The following SNX3 variants were observed in gnomAD, a reference collection of about 807,000 sequenced individuals.
The protein encoded by SNX3 is sorting nexin 3.
SNX3 carries 5 observed loss-of-function variants against 17.7 expected under a neutral mutation model. The observed-to-expected ratio is 0.28, with a 90% CI of 0.15 to 0.59. SNX3 has a LOEUF of 0.59. Among genes scored for constraint, SNX3 ranks in the 20% least tolerant of loss-of-function variants. The pLI is 0.88. For missense variants in SNX3, 132 were observed against 206.8 expected, an observed-to-expected ratio of 0.64 and a Z score of 2.22; for synonymous variants, 91 against 76.5, an observed-to-expected ratio of 1.19 and a Z score of -0.99.
At chr6:108,228,336 G>C (rs1306289903) in intron 1 of SNX3, among the ~76,000 whole-genome samples, 3 of 152,132 alleles carry the variant, frequency 2.0e-5, no homozygotes, top group Non-Finnish European at 4.4e-5. Context: ...ATCATCTGAG[G>C]TCAGGAGTTC....
chr6:108,223,244 T>C (rs1774862531), intron 1 of SNX3, among the ~76,000 whole-genome samples, 199 bp from the exon 2 acceptor site: 1 of 152,132 alleles, frequency 6.6e-6, no homozygotes, highest in African/African-American at 2.4e-5. Flanking sequence ...GTTCAAATGA[T>C]TTTTCCGCCT....
At chr6:108,231,139 T>C (rs1339818287) in intron 1 of SNX3, among the ~76,000 whole-genome samples, 2 of 151,350 alleles carry the variant, frequency 1.3e-5, no homozygotes, top group African/African-American at 4.9e-5. Context: ...ACAGTCTCCC[T>C]TGTCACTCAG....
chr6:108,226,698 T>C (rs970400525), intron 1 of SNX3, among the ~76,000 whole-genome samples: 59 of 152,360 alleles, frequency 3.9e-4, no homozygotes, highest in Non-Finnish European at 6.9e-4. Context: ...TACTGGTAAG[T>C]AGCTGTCACT....
rs1774417948 is a variant in SNX3 at position 108,211,925 on chromosome 6, C to T, written c.*224G>A. 7.1e-6 allele frequency: 3 copies of T among 424,878 alleles called. No individual in the cohort carries two copies. The highest frequency in any genetic ancestry group is 1.3e-5 in the Non-Finnish European group (3 of 238,562). 26.3% of individuals were successfully genotyped at this position (424,878 alleles called of 1,614,324 possible). A position where few individuals can be genotyped will look rare whatever the true frequency, so the allele number is the denominator to read the frequency against. On this transcript the variant is annotated 3_prime_UTR_variant, in exon 4 of 4. Coordinates refer to ENST00000230085, the MANE Select transcript of SNX3 (RefSeq NM_003795.6). ...GGCTATAGTGTGCACCACATTAAAA[C>T]AGCAAGAAAGAGCTATTTATATAGA...
chr6:108,236,833 CCAGT>C (rs1232456670), intron 1 of SNX3, among the ~76,000 whole-genome samples: 38 of 152,236 alleles, frequency 2.5e-4, no homozygotes, highest in East Asian at 2.1e-3. Context: ...ATAAACTCTT[CCAGT>C]CAGAGTGATT....
intron 2 of SNX3, among the ~76,000 whole-genome samples, chr6:108,215,605 AC>A (rs1450112647): frequency 6.6e-6 from 1 of 151,990 alleles, no homozygotes; most frequent in African/African-American, 2.4e-5. Context: ...CCAAGGGTCA[AC>A]TCCTGCTGAT....
intron 1 of SNX3, among the ~76,000 whole-genome samples, chr6:108,249,917 T>G (rs1429613751): frequency 6.6e-6 from 1 of 152,158 alleles, no homozygotes; most frequent in Non-Finnish European, 1.5e-5. Context: ...CTCATGATAT[T>G]TTTTAGGGTT....
intron 1 of SNX3, among the ~76,000 whole-genome samples, chr6:108,232,958 C>A (rs1330625395): frequency 1.3e-5 from 2 of 152,108 alleles, no homozygotes; most frequent in East Asian, 3.9e-4. Context: ...GTCCAGAGAA[C>A]CTTTGAAATG....
chr6:108,248,036 A>AT (rs1775744238), intron 1 of SNX3, among the ~76,000 whole-genome samples: 1 of 152,222 alleles, frequency 6.6e-6, no homozygotes, highest in Non-Finnish European at 1.5e-5. Context: ...GTCAGAGAGT[A>AT]ACAAGGAATC....
At position 108,260,894 on chromosome 6, in the gene SNX3, G is replaced by A. The variant is rs1776176868; in HGVS notation, c.28C>T (p.Arg10Trp). MAETVADTR[R>W]LITKPQNLND... Reference sequence around the variant, plus strand: ...AGGTTCTGCGGCTTGGTGATCAGCCGCCGGGTGTCAGCCACGGTCTCCGCC... The same window carrying A: ...AGGTTCTGCGGCTTGGTGATCAGCCACCGGGTGTCAGCCACGGTCTCCGCC... Residue 10 changes from arginine to tryptophan, a missense_variant, in exon 1 of 4, where the codon CGG becomes TGG. Arg to Trp is a moderately radical substitution (Grantham distance 101, BLOSUM62 -3). This residue lies in a region of SNX3 where 78 missense variants were observed against 88.8 expected (regional missense o/e 0.88). Transcript: ENST00000230085. The A allele has an allele frequency of 6.2e-7, 1 of 1,608,638 alleles. No individual in the cohort carries two copies. The highest frequency in any genetic ancestry group is 2.3e-5 in the East Asian group (1 of 44,034).
chr6:108,228,361 C>A (rs1199609303), intron 1 of SNX3, among the ~76,000 whole-genome samples: 1 of 152,092 alleles, frequency 6.6e-6, no homozygotes, highest in African/African-American at 2.4e-5. Context: ...CCAGCCTGGA[C>A]AACATGGTGA....
chr6:108,246,663 T>C (rs1183579359), intron 1 of SNX3, among the ~76,000 whole-genome samples: 4 of 152,002 alleles, frequency 2.6e-5, no homozygotes, highest in African/African-American at 9.7e-5. Context: ...TGTATTTTTT[T>C]TATTCTTTTG....
intron 1 of SNX3, among the ~76,000 whole-genome samples, chr6:108,230,326 C>G (rs1041481692): frequency 6.6e-6 from 1 of 151,966 alleles, no homozygotes; most frequent in East Asian, 1.9e-4. Flanking sequence ...AAAGTGGAAG[C>G]CACAATTTTC....
At chr6:108,252,941 A>C (rs1006366545) in intron 1 of SNX3, among the ~76,000 whole-genome samples, 1 of 152,318 alleles carries the variant, frequency 6.6e-6, no homozygotes, top group South Asian at 2.1e-4. Context: ...CCCGGCCCTA[A>C]GAATAAACTT....
intron 1 of SNX3, among the ~76,000 whole-genome samples, chr6:108,254,126 CAAAG>C (rs1775959427): frequency 1.1e-5 from 1 of 95,120 alleles, no homozygotes; most frequent in Non-Finnish European, 2.0e-5. Flanking sequence ...GATTCCGTCT[CAAAG>C]AAAAAAAAAA....
At chr6:108,224,849 T>TA (rs1302539197) in intron 1 of SNX3, among the ~76,000 whole-genome samples, 1 of 152,200 alleles carries the variant, frequency 6.6e-6, no homozygotes. Context: ...ACTTTGAAGT[T>TA]ACACTGGAAT....
chr6:108,212,302 G>A, intron 3 of SNX3, 48 bp from the exon 4 acceptor site: 1 of 1,307,732 alleles, frequency 7.6e-7, no homozygotes, highest in East Asian at 2.4e-5. Context: ...TACAAGGTGG[G>A]GGAGTTCAAA....
chr6:108,256,680 G>A lies in SNX3; in HGVS notation c.162+4080C>T, dbSNP rs369205547. Among the ~76,000 whole-genome samples, 35 of 152,256 alleles carry A rather than the reference G, an allele frequency of 2.3e-4. 1 individual carries two copies. In the South Asian group the frequency reaches 7.0e-3, roughly 31 times the overall value. Reference sequence around the variant, plus strand: ...TAATTCCATTCCTGTTCAAAACAGTGGTCTCCAGGTAAAATAGATCTTGAT... The same window carrying A: ...TAATTCCATTCCTGTTCAAAACAGTAGTCTCCAGGTAAAATAGATCTTGAT... On this transcript the variant is annotated intron_variant, in intron 1 of 3. Transcript: ENST00000230085.
intron 3 of SNX3, among the ~76,000 whole-genome samples, chr6:108,212,629 C>A (rs1407433395): frequency 1.3e-5 from 2 of 152,090 alleles, no homozygotes; most frequent in African/African-American, 4.8e-5. Flanking sequence ...TGAGCCACTG[C>A]GCCCGGCTCA....
Sources: allele counts gnomAD v4.1 joint callset (sites outside exome capture counted in the v4.1 genomes callset), GRCh38; gene constraint gnomAD v4.1.1; regional missense constraint gnomAD v4.1.1; transcripts MANE v1.5; gene names NCBI Gene and HGNC (gene_info 2026-07-23, HGNC 2026-07-21).